The following RNLS variants were observed in gnomAD, a reference collection of about 807,000 sequenced individuals.
RNLS encodes renalase, FAD dependent amine oxidase.
In RNLS, 39 loss-of-function variants were observed where a neutral mutation model predicts 39.8. That is an observed-to-expected ratio of 0.98 (90% CI 0.76 to 1.28). RNLS has a LOEUF of 1.28. RNLS is among the 50% of genes most tolerant of loss of function. The pLI is 0.00. For missense variants in RNLS, 410 were observed against 413.3 expected (o/e 0.99, Z 0.07); for synonymous variants, 147 against 150.7 (o/e 0.98, Z 0.18).
intron 4 of RNLS, among the ~76,000 whole-genome samples, chr10:88,382,549 A>ATAAAT (rs1851607456): frequency 6.6e-6 from 1 of 152,172 alleles, no homozygotes; most frequent in East Asian, 1.9e-4. Context: ...CTGAGGATGA[A>ATAAAT]TAAATTAAAT....
At chr10:88,581,861 A>T (rs111853499) in intron 2 of RNLS, 152 bp from the exon 3 acceptor site, 7,209 of 568,526 alleles carry the variant, frequency 0.013, 172 homozygotes, top group South Asian at 0.077. Context: ...AAAATGTATA[A>T]TTTGTGTTAA....
chr10:88,393,313 C>G (rs1282995894), intron 4 of RNLS, among the ~76,000 whole-genome samples: 2 of 152,004 alleles, frequency 1.3e-5, no homozygotes, highest in Non-Finnish European at 2.9e-5. Context: ...AGCCCAAAAT[C>G]TCCTCAAGCT....
At chr10:88,217,468 C>G in the RNLS span, among the ~76,000 whole-genome samples, 2 of 152,064 alleles carry the variant, frequency 1.3e-5, no homozygotes, top group South Asian at 4.2e-4. Context: ...GAAAGTGATC[C>G]TCACTCTAGG....
chr10:88,383,103 T>C (rs1292471024), intron 4 of RNLS, among the ~76,000 whole-genome samples: 1 of 152,122 alleles, frequency 6.6e-6, no homozygotes, highest in Non-Finnish European at 1.5e-5. Flanking sequence ...TCAATGGTGA[T>C]ATTCATTTAC....
the RNLS span, among the ~76,000 whole-genome samples, chr10:88,203,006 C>G: frequency 1.6e-4 from 25 of 152,014 alleles, no homozygotes; most frequent in South Asian, 4.2e-4. Context: ...TTTTGGCTTT[C>G]TCTGTCATTT....
intron 4 of RNLS, among the ~76,000 whole-genome samples, chr10:88,549,666 G>A (rs1043781283): frequency 3.9e-5 from 6 of 152,150 alleles, no homozygotes; most frequent in African/African-American, 1.4e-4. Flanking sequence ...TGCCACACTA[G>A]AGTAAAACTA....
the RNLS span, among the ~76,000 whole-genome samples, chr10:88,241,504 T>C: frequency 6.6e-6 from 1 of 152,240 alleles, no homozygotes; most frequent in Non-Finnish European, 1.5e-5. Context: ...TCCCTTTTCA[T>C]GTCTAGTACT....
chr10:88,221,703 C>G, the RNLS span, among the ~76,000 whole-genome samples: 5 of 152,310 alleles, frequency 3.3e-5, no homozygotes, highest in East Asian at 9.6e-4. Context: ...GTACTGTTTC[C>G]TCTTCTGTAA....
chr10:88,172,824 T>C, the RNLS span, among the ~76,000 whole-genome samples: 1 of 147,114 alleles, frequency 6.8e-6, no homozygotes, highest in Non-Finnish European at 1.5e-5. Context: ...ACATTTAAAC[T>C]TCTGTGCATT....
chr10:88,341,945 C>T (rs913810593), intron 5 of RNLS, among the ~76,000 whole-genome samples: 2 of 151,926 alleles, frequency 1.3e-5, no homozygotes, highest in African/African-American at 4.8e-5. Flanking sequence ...TTCTACTCAC[C>T]ACATATTCTA....
intron 4 of RNLS, among the ~76,000 whole-genome samples, chr10:88,526,031 T>G (rs1847080823): frequency 3.3e-5 from 5 of 152,046 alleles, no homozygotes; most frequent in Admixed American, 2.0e-4. Flanking sequence ...CTTACCAAGG[T>G]GCAATGAATC....
downstream of RNLS, among the ~76,000 whole-genome samples, chr10:88,268,919 T>C (rs1249468858): frequency 6.6e-6 from 1 of 152,226 alleles, no homozygotes; most frequent in East Asian, 1.9e-4. Flanking sequence ...TTAGGGGTTC[T>C]GACCACTCCA....
rs916888996 is a variant in RNLS, at chr10:88,284,827, A to G, written c.*527T>C. The G allele has an allele frequency of 5.1e-6, 5 of 985,264 alleles. No individual in the cohort carries two copies. In the African/African-American group the frequency reaches 8.7e-5, roughly 17 times the overall value. 61.0% of individuals were successfully genotyped at this position (985,264 alleles called of 1,614,324 possible). ...TAAGATGATGACATATATGACCTACAATTCAGGATCACTTAATAACTTGGG... is the reference window on the plus strand; with the variant it reads ...TAAGATGATGACATATATGACCTACGATTCAGGATCACTTAATAACTTGGG... On this transcript the variant is annotated 3_prime_UTR_variant, in exon 7 of 7. Coordinates refer to ENST00000331772, the MANE Select transcript of RNLS (RefSeq NM_001031709.3).
intron 4 of RNLS, among the ~76,000 whole-genome samples, chr10:88,553,789 A>G (rs1848715335): frequency 6.6e-6 from 1 of 152,166 alleles, no homozygotes; most frequent in South Asian, 2.1e-4. Context: ...TATGTACGCT[A>G]AAGAAACATA....
At chr10:88,425,352 A>G (rs753817631) in intron 4 of RNLS, among the ~76,000 whole-genome samples, 9 of 152,152 alleles carry the variant, frequency 5.9e-5, no homozygotes, top group Non-Finnish European at 1.2e-4. Flanking sequence ...CATAAATAAA[A>G]CAAAAATTAA....
intron 5 of RNLS, among the ~76,000 whole-genome samples, chr10:88,353,485 G>A (rs867700192): frequency 2.6e-5 from 4 of 152,284 alleles, no homozygotes; most frequent in Middle Eastern, 3.4e-3. Flanking sequence ...AGTCATTCAG[G>A]AGCAGCTTGT....
intron 4 of RNLS, among the ~76,000 whole-genome samples, chr10:88,515,260 A>T (rs1433734117): frequency 6.6e-6 from 1 of 152,054 alleles, no homozygotes; most frequent in Non-Finnish European, 1.5e-5. Flanking sequence ...TTTTATATAA[A>T]TTTATTTGTA....
Position 88,364,906 on chromosome 10 carries a change from T to TA in RNLS, c.527-2182dup, listed in dbSNP as rs1007262207. ...TAATCACTGTTTCCCATTTTTTAAA[T>TA]AAAAAAACAAAACAAAACTGTGTAG... is the stretch of plus-strand genomic sequence containing the variant. On this transcript the variant is annotated intron_variant, in intron 4 of 6. Coordinates refer to ENST00000331772, the MANE Select transcript of RNLS (RefSeq NM_001031709.3). Among the ~76,000 whole-genome samples, 14 of 152,108 alleles carry TA rather than the reference T, an allele frequency of 9.2e-5. 1 individual carries two copies. In the East Asian group the frequency reaches 2.3e-3, roughly 25 times the overall value.
the RNLS span, among the ~76,000 whole-genome samples, chr10:88,199,598 G>A: frequency 1.3e-5 from 2 of 152,180 alleles, no homozygotes; most frequent in African/African-American, 4.8e-5. Context: ...ATCCATGATT[G>A]TCAGTGTCAT....
Sources: allele counts gnomAD v4.1 joint callset (sites outside exome capture counted in the v4.1 genomes callset), GRCh38; gene constraint gnomAD v4.1.1; transcripts MANE v1.5; gene names NCBI Gene and HGNC (gene_info 2026-07-23, HGNC 2026-07-21).